Variants in IAPP observed in about 807,000 individuals in gnomAD.
IAPP encodes the protein islet amyloid polypeptide.
A neutral mutation model predicts 2.9 loss-of-function variants in IAPP; 4 were observed. That is an observed-to-expected ratio of 1.39 (90% confidence interval 0.69 to 3.19). The LOEUF (loss-of-function observed/expected upper bound fraction) is 3.19. IAPP is among the 30% of genes most tolerant of loss of function. The pLI, the probability that IAPP is intolerant of heterozygous loss-of-function variation, is 0.01. For missense variants in IAPP, 114 were observed against 105.3 expected (o/e 1.08, Z -0.36); for synonymous variants, 40 against 42.1 (o/e 0.95, Z 0.19).
chr12:21,363,121 C>A (rs916283401), intron 1 of IAPP, among the ~76,000 whole-genome samples: 1 of 152,294 alleles, frequency 6.6e-6, no homozygotes, highest in Admixed American at 6.5e-5. Flanking sequence ...CACACTTATT[C>A]CAAAATGGAC....
chr12:21,366,605 C>T lies in IAPP; in HGVS notation c.-15-6732C>T, dbSNP rs555757493. Among the ~76,000 whole-genome samples, 5 of 151,786 alleles carry T rather than the reference C, an allele frequency of 3.3e-5. No individual in the cohort carries two copies. The South Asian group carries it at 1.0e-3, about 32-fold the overall frequency. On this transcript the variant is annotated intron_variant, in intron 1 of 2. Transcript: ENST00000539393. Reference sequence around the variant, plus strand: ...AAAGATATTTTTTAACAAAAGGGATCTGAAGGAAATGAAGACCACAACAGA... The same window carrying T: ...AAAGATATTTTTTAACAAAAGGGATTTGAAGGAAATGAAGACCACAACAGA...
intron 1 of IAPP, among the ~76,000 whole-genome samples, chr12:21,358,820 C>A (rs1330611225): frequency 2.0e-5 from 3 of 151,982 alleles, no homozygotes; most frequent in Admixed American, 6.6e-5. Flanking sequence ...TAAATACCTA[C>A]CAAAGCCACA....
At chr12:21,374,602 CT>C (rs1940051710) in intron 2 of IAPP, 1 of 151,576 alleles carries the variant, frequency 6.6e-6, no homozygotes, top group Non-Finnish European at 1.5e-5. Flanking sequence ...ACAGGGTGTT[CT>C]TCTCAGAACT....
In IAPP at chr12:21,373,401, TG is replaced by T; in HGVS notation, c.51del (p.Asn18ThrfsTer3). On this transcript the variant is annotated frameshift_variant, in exon 2 of 3. Transcript: ENST00000240652. LOFTEE classifies it low-confidence loss of function (END_TRUNC). ...QVFLIVLSVA[L>X]NHLKATPIES... ...TTTCTCATTGTGCTCTCTGTTGCAT[TG>T]AACCATCTGAAAGCTACACCCATTG... 1 of 1,613,448 alleles carries T rather than the reference TG, an allele frequency of 6.2e-7. No individual in the cohort carries two copies. The highest frequency in any genetic ancestry group is 8.5e-7 in the Non-Finnish European group (1 of 1,179,458).
intron 1 of IAPP, among the ~76,000 whole-genome samples, chr12:21,359,612 T>C (rs1938654827): frequency 6.6e-6 from 1 of 152,160 alleles, no homozygotes; most frequent in African/African-American, 2.4e-5. Context: ...CCAGGCATGG[T>C]GGTGGGCACC....
chr12:21,357,116 G>A (rs1424886665), intron 1 of IAPP, among the ~76,000 whole-genome samples: 4 of 152,126 alleles, frequency 2.6e-5, no homozygotes, highest in African/African-American at 9.7e-5. Context: ...TTTATGGGTT[G>A]AACTGTGTCC....
intron 1 of IAPP, among the ~76,000 whole-genome samples, chr12:21,363,099 TCAGCAACA>T (rs1296374817): frequency 6.6e-5 from 10 of 152,240 alleles, no homozygotes; most frequent in South Asian, 2.1e-4. Flanking sequence ...TACATTCTTC[TCAGCAACA>T]CATCACACTT....
At chr12:21,377,244 A>G (rs572233099) in intron 2 of IAPP, among the ~76,000 whole-genome samples, 171 of 152,272 alleles carry the variant, frequency 1.1e-3, no homozygotes, top group Middle Eastern at 3.4e-3. Flanking sequence ...ATAAGATCCA[A>G]GCAGGAAAAT....
chr12:21,375,024 C>T (rs1246650452), intron 2 of IAPP, among the ~76,000 whole-genome samples: 1 of 152,210 alleles, frequency 6.6e-6, no homozygotes, highest in South Asian at 2.1e-4. Flanking sequence ...CCCTATGATG[C>T]CCAGGCTGGT....
intron 2 of IAPP, among the ~76,000 whole-genome samples, chr12:21,375,374 T>C (rs1940116092): frequency 6.6e-6 from 1 of 152,218 alleles, no homozygotes; most frequent in African/African-American, 2.4e-5. Flanking sequence ...CTATTCTACA[T>C]ATCTCACAGA....
At chr12:21,375,197 T>A (rs1426857895) in intron 2 of IAPP, among the ~76,000 whole-genome samples, 1 of 152,212 alleles carries the variant, frequency 6.6e-6, no homozygotes, top group South Asian at 2.1e-4. Flanking sequence ...TAATATTACT[T>A]GTTATAAAAT....
chr12:21,375,949 C>A (rs1940165016), intron 2 of IAPP, among the ~76,000 whole-genome samples: 1 of 152,096 alleles, frequency 6.6e-6, no homozygotes, highest in Non-Finnish European at 1.5e-5. Context: ...TTTTATTAAC[C>A]ATTTCAGACA....
At chr12:21,373,769 C>G (rs949592083) in intron 2 of IAPP, 1 of 683,446 alleles carries the variant, frequency 1.5e-6, no homozygotes, top group African/African-American at 1.8e-5. Context: ...GATACTGAAA[C>G]AAACCAGAGA....
At chr12:21,372,653 T>A (rs1175320677), upstream of IAPP, among the ~76,000 whole-genome samples, 2 of 152,232 alleles carry the variant, frequency 1.3e-5, no homozygotes, top group Non-Finnish European at 2.9e-5. Flanking sequence ...ACTCATGTCT[T>A]ACAAAGATGG....
chr12:21,360,183 A>C (rs1330145390), intron 1 of IAPP, among the ~76,000 whole-genome samples: 1 of 152,194 alleles, frequency 6.6e-6, no homozygotes, highest in Non-Finnish European at 1.5e-5. Context: ...TAAACTAAAA[A>C]AGGTTACAAG....
chr12:21,360,023 A>C (rs1052390306), intron 1 of IAPP, among the ~76,000 whole-genome samples: 14 of 152,224 alleles, frequency 9.2e-5, no homozygotes, highest in African/African-American at 2.7e-4. Flanking sequence ...TGTAAAAAAA[A>C]AAAGTCAGGC....
At chr12:21,376,362 AAAGT>A (rs1940191138) in intron 2 of IAPP, 1 of 361,140 alleles carries the variant, frequency 2.8e-6, no homozygotes, top group Non-Finnish European at 5.7e-6. Flanking sequence ...TTTTTCAAGA[AAAGT>A]AAGTATTTTA....
intron 2 of IAPP, chr12:21,373,743 T>G (rs1211021389): frequency 4.3e-6 from 3 of 700,672 alleles, no homozygotes; most frequent in Non-Finnish European, 7.8e-6. Context: ...GGTAGTAATT[T>G]CTTCTATATT....
chr12:21,360,778 C>G (rs546993817), intron 1 of IAPP, among the ~76,000 whole-genome samples: 1 of 152,334 alleles, frequency 6.6e-6, no homozygotes, highest in African/African-American at 2.4e-5. Flanking sequence ...CCCACGGAGG[C>G]TCGCTCACTG....
Sources: allele counts gnomAD v4.1 joint callset (sites outside exome capture counted in the v4.1 genomes callset), GRCh38; gene constraint gnomAD v4.1.1; transcripts MANE v1.5; gene names NCBI Gene and HGNC (gene_info 2026-07-23, HGNC 2026-07-21).